SAMD12: variants seen among roughly 807,000 people sequenced by gnomAD.
The protein encoded by SAMD12 is sterile alpha motif domain-containing protein 12.
SAMD12 carries 9 observed loss-of-function variants against 15.0 expected under a neutral mutation model. The observed-to-expected ratio is 0.60, with a 90% CI of 0.36 to 1.05. The LOEUF (loss-of-function observed/expected upper bound fraction) is 1.05. SAMD12 is among the 50% of genes least tolerant of loss of function. The pLI, the probability that SAMD12 is intolerant of heterozygous loss-of-function variation, is 0.01. For synonymous variants in SAMD12, 86 were observed against 90.1 expected (o/e 0.96, Z 0.25); for missense variants, 230 against 234.2 (o/e 0.98, Z 0.12).
At chr8:118,202,342 C>G (rs916903024) in intron 4 of SAMD12, among the ~76,000 whole-genome samples, 12 of 152,172 alleles carry the variant, frequency 7.9e-5, no homozygotes, top group Non-Finnish European at 1.2e-4. Flanking sequence ...ACCCAGAGGT[C>G]AAGCCTTTGC....
chr8:118,489,605 C>T (rs941185049), intron 2 of SAMD12, among the ~76,000 whole-genome samples: 5 of 152,212 alleles, frequency 3.3e-5, no homozygotes, highest in South Asian at 2.1e-4. Context: ...TAGCCTGTTC[C>T]GGTGCTTTAA....
At chr8:118,392,530 G>A (rs976732591) in intron 3 of SAMD12, among the ~76,000 whole-genome samples, 1 of 152,192 alleles carries the variant, frequency 6.6e-6, no homozygotes, top group Non-Finnish European at 1.5e-5. Flanking sequence ...GACCCTATGG[G>A]GAGCTGTGTA....
At chr8:118,577,338 C>G (rs185375418) in intron 2 of SAMD12, among the ~76,000 whole-genome samples, 33 of 152,146 alleles carry the variant, frequency 2.2e-4, no homozygotes, top group Admixed American at 2.2e-3. Context: ...AAAATGAATA[C>G]AGATACACAC....
downstream of SAMD12, among the ~76,000 whole-genome samples, chr8:118,376,782 A>G (rs1319380654): frequency 6.6e-6 from 1 of 152,158 alleles, no homozygotes; most frequent in African/African-American, 2.4e-5. Context: ...CTTATTCAGC[A>G]TATTGTTTCT....
At chr8:118,562,274 G>T (rs1826723898) in intron 2 of SAMD12, among the ~76,000 whole-genome samples, 2 of 152,204 alleles carry the variant, frequency 1.3e-5, no homozygotes. Flanking sequence ...GAAGGAGGAG[G>T]ACTCAGGAGA....
rs1480411392 is a variant in SAMD12 at position 118,379,080 on chromosome 8, G to T, written c.*337C>A. ...TTTTTCTCCCACTAACCGGTGAAAA[G>T]CAAAACAAAAATACAACAAAAACTC... On this transcript the variant is annotated 3_prime_UTR_variant, in exon 4 of 4. Coordinates refer to ENST00000314727, the MANE Select transcript of SAMD12 (RefSeq NM_207506.3). 9.5e-7 allele frequency: 1 copy of T among 1,053,474 alleles called. No homozygotes were observed. Among genetic ancestry groups the T allele is most frequent in the Non-Finnish European group, 1.1e-6 (1 of 871,034 alleles). The allele number at this position is 1,053,474 out of a possible 1,614,324, so 65.3% of individuals were successfully genotyped here.
chr8:118,306,351 A>T (rs1815347032), intron 4 of SAMD12, among the ~76,000 whole-genome samples: 1 of 152,154 alleles, frequency 6.6e-6, no homozygotes, highest in South Asian at 2.1e-4. Flanking sequence ...TCTGCCTCTC[A>T]GCCTCTTTTG....
intron 2 of SAMD12, among the ~76,000 whole-genome samples, chr8:118,572,539 G>A (rs1052919641): frequency 1.3e-5 from 2 of 152,070 alleles, no homozygotes. Context: ...TGAATCATGG[G>A]GGCAAATCTT....
exon 5 of SAMD12, chr8:118,190,996 T>C (rs1236328275): frequency 1.1e-4 from 17 of 152,344 alleles, no homozygotes; most frequent in Non-Finnish European, 2.9e-5. Context: ...AGATTGATCT[T>C]TTCTAAAATT....
chr8:118,361,500 T>C (rs1039935233), intron 4 of SAMD12, among the ~76,000 whole-genome samples: 7 of 152,202 alleles, frequency 4.6e-5, no homozygotes, highest in Non-Finnish European at 1.0e-4. Flanking sequence ...AGTAATCCTT[T>C]AATATTTTTG....
At chr8:118,316,252 T>G (rs978202516) in intron 4 of SAMD12, among the ~76,000 whole-genome samples, 1 of 151,496 alleles carries the variant, frequency 6.6e-6, no homozygotes, top group Admixed American at 6.6e-5. Flanking sequence ...GTTGGGAGAT[T>G]GGCCAGGTGC....
chr8:118,580,897 G>C lies in SAMD12; in HGVS notation c.14-4C>G. On this transcript the variant is annotated splice_polypyrimidine_tract_variant and splice_region_variant and intron_variant, in intron 1 of 3. Coordinates refer to ENST00000314727, the MANE Select transcript of SAMD12 (RefSeq NM_207506.3). ...GGATTCAAACCACAGTGGAGAGCTA[G>C]GAAAAAGCAACAAATAGAACTCAGA... is the stretch of plus-strand genomic sequence containing the variant. The C allele has an allele frequency of 1.3e-6, 2 of 1,598,006 alleles. No homozygotes were observed. Among genetic ancestry groups the C allele is most frequent in the Non-Finnish European group, 1.7e-6 (2 of 1,173,548 alleles).
intron 3 of SAMD12, among the ~76,000 whole-genome samples, chr8:118,405,762 G>C (rs552765730): frequency 6.6e-6 from 1 of 152,284 alleles, no homozygotes; most frequent in Non-Finnish European, 1.5e-5. Flanking sequence ...ATTTGAAAGT[G>C]TGAAAAAGTT....
At chr8:118,478,942 T>C (rs965435701) in intron 2 of SAMD12, among the ~76,000 whole-genome samples, 3 of 152,216 alleles carry the variant, frequency 2.0e-5, no homozygotes, top group Non-Finnish European at 2.9e-5. Context: ...TTCTATTCCA[T>C]ACCTGGGACA....
chr8:118,535,369 C>G (rs1359507900), intron 2 of SAMD12, among the ~76,000 whole-genome samples: 1 of 152,216 alleles, frequency 6.6e-6, no homozygotes, highest in Non-Finnish European at 1.5e-5. Context: ...CTGGAAGATG[C>G]CTCCCAGTTA....
At chr8:118,451,756 C>A (rs936713917) in intron 2 of SAMD12, among the ~76,000 whole-genome samples, 1 of 152,070 alleles carries the variant, frequency 6.6e-6, no homozygotes, top group Non-Finnish European at 1.5e-5. Context: ...GAATCCATTA[C>A]GGTAGGGGGT....
intron 2 of SAMD12, among the ~76,000 whole-genome samples, chr8:118,479,020 A>G (rs1247342626): frequency 6.6e-6 from 1 of 151,718 alleles, no homozygotes; most frequent in Admixed American, 6.6e-5. Context: ...GTTAGCAGTC[A>G]ATACATTTGT....
At position 118,621,853 on chromosome 8, in the gene SAMD12, T is replaced by C; in HGVS notation, c.-37A>G. ...TTCCCTAACGCATGCATAATTTTCTTGGCCGAGGTACTCCTCCTGCCCCGC... is the reference window on the plus strand; with the variant it reads ...TTCCCTAACGCATGCATAATTTTCTCGGCCGAGGTACTCCTCCTGCCCCGC... On this transcript the variant is annotated 5_prime_UTR_variant, in exon 1 of 4. Transcript: ENST00000314727. 1 of 1,612,552 alleles carries C rather than the reference T, an allele frequency of 6.2e-7. No homozygotes were observed. Among genetic ancestry groups the C allele is most frequent in the Non-Finnish European group, 8.5e-7 (1 of 1,178,534 alleles).
the SAMD12 span, among the ~76,000 whole-genome samples, chr8:118,133,567 A>G: frequency 6.6e-6 from 1 of 152,202 alleles, no homozygotes; most frequent in African/African-American, 2.4e-5. Flanking sequence ...TATATATAAG[A>G]AAGTATTCAA....
Sources: allele counts gnomAD v4.1 joint callset (sites outside exome capture counted in the v4.1 genomes callset), GRCh38; gene constraint gnomAD v4.1.1; transcripts MANE v1.5; gene names NCBI Gene and HGNC (gene_info 2026-07-23, HGNC 2026-07-21).